ME1: variants seen among roughly 807,000 people sequenced by gnomAD.
ME1 encodes NADP-dependent malic enzyme.
Under a neutral mutation model 66.4 loss-of-function variants are expected in ME1, and 74 were observed. That is an observed-to-expected ratio of 1.11 (90% CI 0.92 to 1.35). ME1 has a LOEUF of 1.35. ME1 is among the 40% of genes most tolerant of loss of function. ME1 has a pLI of 0.00. For synonymous variants in ME1, 251 were observed against 235.6 expected (o/e 1.07, Z -0.60); for missense variants, 750 against 694.1 (o/e 1.08, Z -0.90).
At chr6:83,409,141 T>C (rs1361851392) in intron 1 of ME1, among the ~76,000 whole-genome samples, 1 of 152,184 alleles carries the variant, frequency 6.6e-6, no homozygotes, top group Non-Finnish European at 1.5e-5. Context: ...ACACCAAATT[T>C]GCAGTACCTT....
intron 5 of ME1, among the ~76,000 whole-genome samples, chr6:83,343,508 A>G (rs1768629205): frequency 6.6e-6 from 1 of 152,188 alleles, no homozygotes; most frequent in Non-Finnish European, 1.5e-5. Context: ...AGTAAGCAAA[A>G]TCTCTACAAA....
intron 6 of ME1, among the ~76,000 whole-genome samples, chr6:83,268,719 C>T (rs1767031597): frequency 7.2e-6 from 1 of 138,568 alleles, no homozygotes; most frequent in Non-Finnish European, 1.5e-5. Context: ...GCGCGCATCA[C>T]CATGCCCCGT....
At chr6:83,358,867 T>A (rs886253965) in intron 3 of ME1, among the ~76,000 whole-genome samples, 24 of 146,576 alleles carry the variant, frequency 1.6e-4, no homozygotes, top group African/African-American at 5.3e-4. Context: ...CAAGATAATG[T>A]TTTTTTTTTT....
At chr6:83,271,597 A>T (rs1238733964) in intron 6 of ME1, among the ~76,000 whole-genome samples, 1 of 152,174 alleles carries the variant, frequency 6.6e-6, no homozygotes, top group East Asian at 1.9e-4. Flanking sequence ...TGATAACAGT[A>T]ATACGTTGTG....
chr6:83,245,836 C>T (rs1054325032), intron 7 of ME1, among the ~76,000 whole-genome samples: 2 of 151,948 alleles, frequency 1.3e-5, no homozygotes, highest in Non-Finnish European at 2.9e-5. Flanking sequence ...CATTTTAATA[C>T]AATAAGATAG....
At chr6:83,389,310 T>A (rs1769574116) in intron 3 of ME1, among the ~76,000 whole-genome samples, 2 of 152,140 alleles carry the variant, frequency 1.3e-5, no homozygotes, top group Non-Finnish European at 2.9e-5. Context: ...TAATTCTAAG[T>A]TACAATTTCT....
intron 5 of ME1, among the ~76,000 whole-genome samples, chr6:83,319,662 C>A (rs1768115315): frequency 2.0e-5 from 3 of 152,162 alleles, no homozygotes; most frequent in South Asian, 2.1e-4. Flanking sequence ...GAGGACACAG[C>A]CAAGAACCCA....
chr6:83,301,336 CTCTTTCTT>C (rs35826969), intron 6 of ME1, among the ~76,000 whole-genome samples: 10 of 123,516 alleles, frequency 8.1e-5, no homozygotes, highest in East Asian at 2.2e-4. Flanking sequence ...CTCTCTCTCT[CTCTTTCTT>C]TCTTTCTTTC....
intron 5 of ME1, among the ~76,000 whole-genome samples, chr6:83,323,450 T>C (rs1380316822): frequency 1.3e-5 from 2 of 150,752 alleles, no homozygotes; most frequent in Non-Finnish European, 3.0e-5. Flanking sequence ...AATAAAGGGA[T>C]GGAGGAAGAT....
chr6:83,303,021 G>T (rs1378023334), intron 6 of ME1, among the ~76,000 whole-genome samples: 1 of 152,064 alleles, frequency 6.6e-6, no homozygotes, highest in Non-Finnish European at 1.5e-5. Flanking sequence ...CTGGGTTATG[G>T]TTATAGAAAT....
At position 83,227,622 on chromosome 6, in the gene ME1, A is replaced by G. The variant is rs1790223447; in HGVS notation, c.1133-145T>C. 3 of 630,630 alleles carry G rather than the reference A, an allele frequency of 4.8e-6. No homozygotes were observed. In the South Asian group the frequency reaches 1.4e-4, roughly 29 times the overall value. 39.1% of individuals were successfully genotyped at this position (630,630 alleles called of 1,614,324 possible). On this transcript the variant is annotated intron_variant, in intron 10 of 13. Transcript: ENST00000369705. Reference sequence around the variant, plus strand: ...CTATATAAACTATTTGTATTCAAGTATAGTGACAAAAAGAGGCAAGTTTGT... The same window carrying G: ...CTATATAAACTATTTGTATTCAAGTGTAGTGACAAAAAGAGGCAAGTTTGT...
intron 1 of ME1, among the ~76,000 whole-genome samples, chr6:83,419,733 A>G (rs981089323): frequency 8.5e-5 from 13 of 152,174 alleles, no homozygotes; most frequent in Admixed American, 7.9e-4. Flanking sequence ...CATATTTAAT[A>G]TTTTCATTTA....
chr6:83,230,172 TTTTG>T (rs375949125), intron 9 of ME1, among the ~76,000 whole-genome samples: 5 of 151,920 alleles, frequency 3.3e-5, no homozygotes, highest in Admixed American at 6.6e-5. Flanking sequence ...TTTAATTTTG[TTTTG>T]TTTGTCTTTT....
chr6:83,297,947 T>C (rs1583364722), intron 6 of ME1, among the ~76,000 whole-genome samples: 1 of 152,342 alleles, frequency 6.6e-6, no homozygotes, highest in East Asian at 1.9e-4. Flanking sequence ...CACATTTTCT[T>C]TATCCAGTCT....
rs189895509 is a variant in ME1, at chr6:83,398,388, C to T, written c.341G>A (p.Ser114Asn). 6.3e-7 allele frequency: 1 copy of T among 1,584,248 alleles called. No homozygotes were observed. The highest frequency in any genetic ancestry group is 1.4e-5 in the African/African-American group (1 of 73,460). ...ATACCTTGGCTTCCGAAACACCAAA[C>T]TATATTGTTGGCAAGCCAGACCCAC... Reference protein sequence around the residue: ...PTVGLACQQYSLVFRKPRGLF... With the variant: ...PTVGLACQQYNLVFRKPRGLF... Residue 114 changes from serine (S) to asparagine (N), a missense_variant, in exon 3 of 14, where the codon AGT becomes AAT. Coordinates refer to ENST00000369705, the MANE Select transcript of ME1 (RefSeq NM_002395.6).
intron 3 of ME1, among the ~76,000 whole-genome samples, chr6:83,364,432 C>T (rs1204755042): frequency 1.3e-5 from 2 of 152,160 alleles, no homozygotes; most frequent in East Asian, 1.9e-4. Context: ...CTCTAGAGAA[C>T]CCTGACTAAA....
chr6:83,376,804 C>CAA (rs70987750), intron 3 of ME1, among the ~76,000 whole-genome samples: 2,416 of 87,144 alleles, frequency 0.028, 173 homozygotes, highest in African/African-American at 0.089. Context: ...CCCTGTCTCA[C>CAA]AAAAAAAAAA....
At chr6:83,302,214 T>C (rs1767737370) in intron 6 of ME1, among the ~76,000 whole-genome samples, 1 of 152,064 alleles carries the variant, frequency 6.6e-6, no homozygotes, top group Non-Finnish European at 1.5e-5. Flanking sequence ...GAAAACAAAT[T>C]ACCACATGTT....
intron 3 of ME1, among the ~76,000 whole-genome samples, chr6:83,360,371 C>T (rs1768985458): frequency 6.6e-6 from 1 of 152,100 alleles, no homozygotes; most frequent in Non-Finnish European, 1.5e-5. Context: ...TCCAGGGGAC[C>T]CCAAACATTA....
Sources: gnomAD v4.1 joint callset for allele counts (sites outside exome capture counted in the v4.1 genomes callset) on GRCh38, gnomAD v4.1.1 for gene constraint, MANE v1.5 for transcripts, NCBI Gene and HGNC (gene_info 2026-07-23, HGNC 2026-07-21) for gene names.